The following CCDC33 variants were observed in gnomAD, a reference collection of about 807,000 sequenced individuals.
CCDC33 encodes the protein coiled-coil domain-containing protein 33.
A neutral mutation model predicts 91.9 loss-of-function variants in CCDC33; 94 were observed. The ratio of observed to expected loss-of-function variants is 1.02; its 90% confidence interval spans 0.87 to 1.21. CCDC33 has a LOEUF of 1.21. Among genes scored for constraint, CCDC33 ranks in the 50% most tolerant of loss-of-function variants. The probability of loss-of-function intolerance (pLI) is 0.00; values close to 1 mark genes in which losing one functional copy is unlikely to be tolerated. For missense variants in CCDC33, 940 were observed against 935.5 expected (o/e 1.00, Z -0.06); for synonymous variants, 396 against 374.5 (o/e 1.06, Z -0.66).
intron 2 of CCDC33, among the ~76,000 whole-genome samples, chr15:74,225,523 A>AC (rs556181646): frequency 5.3e-5 from 8 of 150,388 alleles, no homozygotes; most frequent in South Asian, 2.1e-4. Context: ...ACATGCAGAG[A>AC]CCCCCCTACC....
chr15:74,289,623 G>A (rs1263824050), intron 10 of CCDC33, among the ~76,000 whole-genome samples: 1 of 152,190 alleles, frequency 6.6e-6, no homozygotes, highest in African/African-American at 2.4e-5. Context: ...GTTGAGGCAG[G>A]AGGATTGCTT....
Position 74,218,523 on chromosome 15 carries a change from G to A in CCDC33, c.337G>A (p.Asp113Asn). The change falls in exon 2 of 3, where the codon GAT becomes AAT. Residue 113 changes from aspartate to asparagine, a missense_variant. By Grantham distance (23) the Asp-to-Asn change is conservative. Transcript: ENST00000635913. This position sits in a 1 kb window ranked among gnomAD's most constrained non-coding sequence, Gnocchi z 4.8. The stretch of plus-strand genomic sequence containing the variant: ...TTTCTGCAAGAATGACGGGCAGCAT[G>A]ATGCTCAGCTGCATGTGGAGGCACT... The A allele has an allele frequency of 2.3e-6, 3 of 1,288,632 alleles. No homozygotes were observed. The highest frequency in any genetic ancestry group is 3.0e-6 in the Non-Finnish European group (3 of 988,200). The allele number at this position is 1,288,632 out of a possible 1,614,324, so 79.8% of individuals were successfully genotyped here.
intron 7 of CCDC33, among the ~76,000 whole-genome samples, chr15:74,273,211 C>T (rs1167291192): frequency 6.6e-6 from 1 of 152,138 alleles, no homozygotes; most frequent in Non-Finnish European, 1.5e-5. Flanking sequence ...TATATGATTC[C>T]ACTTATATGG....
upstream of CCDC33, among the ~76,000 whole-genome samples, chr15:74,235,730 A>G (rs2075132696): frequency 1.3e-5 from 2 of 152,288 alleles, no homozygotes; most frequent in Non-Finnish European, 1.5e-5. Flanking sequence ...CAGTGCTCAG[A>G]ACTGAACCAT....
rs1274087041 is a variant in CCDC33 at position 74,218,105 on chromosome 15, C to T, written c.311-392C>T. On this transcript the variant is annotated intron_variant, in intron 1 of 2. Coordinates refer to the CCDC33 transcript ENST00000635913. The surrounding 1 kb of genome is among the most constrained non-coding windows in gnomAD (Gnocchi z 4.8). ...AAGGAAATCCATGCCTAGACTAAGG[C>T]CACCCTGGCAGGCTGCCTGGAGGAG... Among the ~76,000 whole-genome samples the T allele has an allele frequency of 3.9e-5, 6 of 152,084 alleles. No individual in the cohort carries two copies. The highest frequency in any genetic ancestry group is 3.9e-4 in the Admixed American group (6 of 15,276).
chr15:74,313,066 A>G (rs1405854170), intron 11 of CCDC33, among the ~76,000 whole-genome samples: 2 of 152,210 alleles, frequency 1.3e-5, no homozygotes, highest in Non-Finnish European at 2.9e-5. Flanking sequence ...TCTTGTTACG[A>G]GAACAGTGAC....
At chr15:74,260,185 C>T (rs1346881992) in intron 2 of CCDC33, among the ~76,000 whole-genome samples, 3 of 152,120 alleles carry the variant, frequency 2.0e-5, no homozygotes, top group Non-Finnish European at 4.4e-5. Flanking sequence ...TAGATTGCAC[C>T]CCTTGGTCAA....
At chr15:74,288,956 G>T (rs1480171946) in intron 10 of CCDC33, among the ~76,000 whole-genome samples, 3 of 152,200 alleles carry the variant, frequency 2.0e-5, no homozygotes, top group South Asian at 2.1e-4. Context: ...GCATGTGCAG[G>T]TAACCTAGCA....
At chr15:74,222,183 T>A (rs866735714) in intron 2 of CCDC33, among the ~76,000 whole-genome samples, 1 of 152,226 alleles carries the variant, frequency 6.6e-6, no homozygotes, top group Non-Finnish European at 1.5e-5. Context: ...TTCTGGTACC[T>A]CACTGCCCTC....
In CCDC33 at chr15:74,218,757, C is replaced by A. The variant is rs1387754564; in HGVS notation, c.571C>A (p.His191Asn). 1 of 1,289,592 alleles carries A rather than the reference C, an allele frequency of 7.8e-7. No homozygotes were observed. Among genetic ancestry groups the A allele is most frequent in the Non-Finnish European group, 1.0e-6 (1 of 988,722 alleles). The allele number at this position is 1,289,592 out of a possible 1,614,324, so 79.9% of individuals were successfully genotyped here. A position where few individuals can be genotyped will look rare whatever the true frequency, so the allele number is the denominator to read the frequency against. Residue 191 changes from histidine to asparagine, a missense_variant, in exon 2 of 3, where the codon CAC becomes AAC. Coordinates refer to the CCDC33 transcript ENST00000635913. This position sits in a 1 kb window ranked among gnomAD's most constrained non-coding sequence, Gnocchi z 4.8. ...GAGCCTGGCCTACAGTGTGGCCTTC[C>A]ACGTCCACCGGGGCCCTCAGCCTCC...
chr15:74,320,682 C>A (rs1297822203), intron 11 of CCDC33, among the ~76,000 whole-genome samples: 5 of 152,154 alleles, frequency 3.3e-5, no homozygotes, highest in African/African-American at 9.7e-5. Context: ...AGGCTCCCAC[C>A]CCCAGGGCAA....
rs779286933 is a variant in CCDC33 at position 74,244,005 on chromosome 15, G to A, written c.42G>A (p.Glu14=). Residue 14 remains glutamate, a synonymous_variant, in exon 2 of 19, where the codon GAG becomes GAA. Coordinates refer to ENST00000398814, the MANE Select transcript of CCDC33 (RefSeq NM_025055.5). This position sits in a 1 kb window ranked among gnomAD's most constrained non-coding sequence, Gnocchi z 4.2. ...KNKKNTEDPE[E]PLIASQSTEP... Reference sequence around the variant, plus strand: ...CACAGAACACTGAAGACCCAGAGGAGCCCCTGATCGCCTCCCAGAGCACGG... The same window carrying A: ...CACAGAACACTGAAGACCCAGAGGAACCCCTGATCGCCTCCCAGAGCACGG... 4.3e-6 allele frequency: 7 copies of A among 1,612,594 alleles called. No homozygotes were observed. Among genetic ancestry groups the A allele is most frequent in the South Asian group, 2.2e-5 (2 of 91,008 alleles).
chr15:74,215,692 C>G (rs1207935918), upstream of CCDC33, among the ~76,000 whole-genome samples: 1 of 151,940 alleles, frequency 6.6e-6, no homozygotes. Flanking sequence ...AGAGCCACCT[C>G]AGATTCTTTG....
At chr15:74,333,468 T>C (rs2060485932) in intron 16 of CCDC33, 2 of 675,608 alleles carry the variant, frequency 3.0e-6, no homozygotes, top group Admixed American at 2.5e-5. Flanking sequence ...GAGTTTTCTC[T>C]CCATCCCAGG....
At position 74,334,995 on chromosome 15, in the gene CCDC33, C is replaced by T. The variant is rs780012375; in HGVS notation, c.2046C>T (p.Arg682=). 6.2e-7 allele frequency: 1 copy of T among 1,614,086 alleles called. No homozygotes were observed. The highest frequency in any genetic ancestry group is 1.1e-5 in the South Asian group (1 of 91,088). ...TGCAGTTAGAGGACTCAGCTCGACG[C>T]TGGGGACGAGAGAAGCAGGATCTGG... ...LESQLEDSAR[R]WGREKQDLAT... is the part of the protein sequence containing the mutation. The change falls in exon 18 of 19, where the codon CGC becomes CGT. Residue 682 remains arginine, a synonymous_variant. Coordinates refer to ENST00000398814, the MANE Select transcript of CCDC33 (RefSeq NM_025055.5).
intron 2 of CCDC33, among the ~76,000 whole-genome samples, chr15:74,225,976 G>A (rs351179): frequency 0.034 from 5,117 of 152,250 alleles, 251 homozygotes; most frequent in African/African-American, 0.11. Flanking sequence ...TGGAGAATGC[G>A]TGTGGGACGT....
Position 74,332,850 on chromosome 15 carries a change from G to C in CCDC33, c.1938+5G>C, listed in dbSNP as rs201385384. ...CTGCAGCAACAGGCCCTGCCGGTAA[G>C]AGGCCCTTGACCTGGGCCTGCCTAT... On this transcript the variant is annotated splice_donor_5th_base_variant and intron_variant, in intron 16 of 18. Coordinates refer to ENST00000398814, the MANE Select transcript of CCDC33 (RefSeq NM_025055.5). 1.2e-6 allele frequency: 2 copies of C among 1,613,358 alleles called. No homozygotes were observed. Among genetic ancestry groups the C allele is most frequent in the Non-Finnish European group, 1.7e-6 (2 of 1,179,680 alleles).
At chr15:74,324,803 C>A (rs2060276405) in intron 11 of CCDC33, among the ~76,000 whole-genome samples, 1 of 150,822 alleles carries the variant, frequency 6.6e-6, no homozygotes, top group Non-Finnish European at 1.5e-5. Context: ...ACCCAGCTCC[C>A]CCTCCTTCCC....
chr15:74,266,625 A>T, intron 3 of CCDC33, 53 bp from the exon 4 acceptor site: 1 of 1,249,194 alleles, frequency 8.0e-7, no homozygotes, highest in Non-Finnish European at 1.2e-6. Context: ...CCTTACTGGG[A>T]GAGAAAGGGA....
Sources: allele counts gnomAD v4.1 joint callset (sites outside exome capture counted in the v4.1 genomes callset), GRCh38; gene constraint gnomAD v4.1.1; non-coding constraint Gnocchi (gnomAD v3.1); transcripts MANE v1.5; gene names NCBI Gene and HGNC (gene_info 2026-07-23, HGNC 2026-07-21).